HMX1: variants seen among roughly 807,000 people sequenced by gnomAD.
HMX1 encodes homeobox protein HMX1.
Under a neutral mutation model 8.9 loss-of-function variants are expected in HMX1, and 8 were observed. The ratio of observed to expected loss-of-function variants is 0.90; its 90% confidence interval spans 0.53 to 1.63. The LOEUF (loss-of-function observed/expected upper bound fraction) is 1.63, where lower values mean the gene tolerates loss of function less well. Ranked by LOEUF, HMX1 falls within the 40% of genes most tolerant of loss-of-function variation. The pLI is 0.00. For missense variants in HMX1, 621 were observed against 558.5 expected (o/e 1.11, Z -1.13); for synonymous variants, 311 against 283.4 (o/e 1.10, Z -0.98).
At chr4:8,850,253 T>C (rs2109453195) in intron 1 of HMX1, among the ~76,000 whole-genome samples, 1 of 152,224 alleles carries the variant, frequency 6.6e-6, no homozygotes, top group South Asian at 2.1e-4. Context: ...AGAGCCGACC[T>C]CTGCCCGTGC....
At position 8,868,257 on chromosome 4, in the gene HMX1, C is replaced by T. The variant is rs1414912543; in HGVS notation, c.483G>A (p.Gln161=). Residue 161 remains glutamine (Q), a synonymous_variant, in exon 2 of 2, where the codon CAG becomes CAA. Transcript: ENST00000400677. The surrounding 1 kb of genome is among the most constrained non-coding windows in gnomAD (Gnocchi z 4.6). ...GCGCCGCCAGCTCCGCTGCCTCCCGCTGCACCGCTCCCGGCCCGGGGCCTC... is the reference window on the plus strand; with the variant it reads ...GCGCCGCCAGCTCCGCTGCCTCCCGTTGCACCGCTCCCGGCCCGGGGCCTC... ...WPRGPGPGAV[Q]REAAELAARG... is the part of the protein sequence containing the mutation. The T allele has an allele frequency of 2.8e-6, 4 of 1,445,962 alleles. No homozygotes were observed. Among genetic ancestry groups the T allele is most frequent in the Non-Finnish European group, 3.6e-6 (4 of 1,106,636 alleles). The allele number at this position is 1,445,962 out of a possible 1,614,324, so 89.6% of individuals were successfully genotyped here. A position where few individuals can be genotyped will look rare whatever the true frequency, so the allele number is the denominator to read the frequency against.
In HMX1 at chr4:8,868,357, A is replaced by G; in HGVS notation, c.395-12T>C. On this transcript the variant is annotated splice_polypyrimidine_tract_variant and intron_variant, in intron 1 of 1. Transcript: ENST00000400677. This position sits in a 1 kb window ranked among gnomAD's most constrained non-coding sequence, Gnocchi z 4.6. Reference sequence around the variant, plus strand: ...GTCCCGGTCGCTGGCTGCAGGGGAGAGAGGGCACCACCGTTGGTTCTAGGG... The same window carrying G: ...GTCCCGGTCGCTGGCTGCAGGGGAGGGAGGGCACCACCGTTGGTTCTAGGG... 7.4e-7 allele frequency: 1 copy of G among 1,360,024 alleles called. No individual in the cohort carries two copies. Among genetic ancestry groups the G allele is most frequent in the South Asian group, 1.8e-5 (1 of 55,086 alleles). The allele number at this position is 1,360,024 out of a possible 1,614,324, so 84.2% of individuals were successfully genotyped here.
intron 1 of HMX1, among the ~76,000 whole-genome samples, chr4:8,859,612 G>T: frequency 6.6e-6 from 1 of 152,118 alleles, no homozygotes. Flanking sequence ...CCAGACCAGG[G>T]GTGAGCTGGG....
chr4:8,854,224 G>T (rs1275237664), intron 1 of HMX1, among the ~76,000 whole-genome samples: 3 of 152,228 alleles, frequency 2.0e-5, no homozygotes, highest in Non-Finnish European at 4.4e-5. Flanking sequence ...GTGCTCAGGG[G>T]CTGTCGGCCA....
chr4:8,860,714 A>C (rs1400564472), intron 1 of HMX1: 1 of 152,290 alleles, frequency 6.6e-6, no homozygotes, highest in East Asian at 1.9e-4. Flanking sequence ...CAGAAGCCTA[A>C]GGAGGCCCGG....
Position 8,871,673 on chromosome 4 carries a change from C to A in HMX1, c.-59G>T, listed in dbSNP as rs1293101534. 1 of 1,153,578 alleles carries A rather than the reference C, an allele frequency of 8.7e-7. No homozygotes were observed. Among genetic ancestry groups the A allele is most frequent in the Non-Finnish European group, 1.1e-6 (1 of 938,408 alleles). The allele number at this position is 1,153,578 out of a possible 1,614,324, so 71.5% of individuals were successfully genotyped here. A position where few individuals can be genotyped will look rare whatever the true frequency, so the allele number is the denominator to read the frequency against. ...CCTCGGTCCCCGCTGGGGATGGTGGCGCGCGGCTCCCGGGCGCACGCGCGG... is the reference window on the plus strand; with the variant it reads ...CCTCGGTCCCCGCTGGGGATGGTGGAGCGCGGCTCCCGGGCGCACGCGCGG... On this transcript the variant is annotated 5_prime_UTR_variant, in exon 1 of 2. Coordinates refer to ENST00000400677, the MANE Select transcript of HMX1 (RefSeq NM_018942.3). The surrounding 1 kb of genome is among the most constrained non-coding windows in gnomAD (Gnocchi z 4.8).
At position 8,867,206 on chromosome 4, in the gene HMX1, C is replaced by T. The variant is rs2109471667; in HGVS notation, c.*487G>A. ...CCAGGGTCCTTTCTCCACCAGCACC[C>T]GCGAGAGGGGTAGCACAGCCCTCCG... On this transcript the variant is annotated 3_prime_UTR_variant, in exon 2 of 2. Transcript: ENST00000400677. The T allele has an allele frequency of 1.4e-5, 14 of 985,768 alleles. No homozygotes were observed. Among genetic ancestry groups the T allele is most frequent in the Non-Finnish European group, 1.7e-5 (14 of 830,130 alleles). The allele number at this position is 985,768 out of a possible 1,614,324, so 61.1% of individuals were successfully genotyped here.
At position 8,870,847 on chromosome 4, in the gene HMX1, A is replaced by T. The variant is rs1481195797; in HGVS notation, c.394+374T>A. Reference sequence around the variant, plus strand: ...CCGCAGCACATTCCTTTCTTCCTCCATCCTCCCATTTTCTTTCTCAGCCTC... The same window carrying T: ...CCGCAGCACATTCCTTTCTTCCTCCTTCCTCCCATTTTCTTTCTCAGCCTC... On this transcript the variant is annotated intron_variant, in intron 1 of 1. Coordinates refer to ENST00000400677, the MANE Select transcript of HMX1 (RefSeq NM_018942.3). The surrounding 1 kb of genome is among the most constrained non-coding windows in gnomAD (Gnocchi z 4.4). Among the ~76,000 whole-genome samples the T allele has an allele frequency of 8.9e-6, 1 of 112,066 alleles. No homozygotes were observed. Among genetic ancestry groups the T allele is most frequent in the East Asian group, 3.2e-4 (1 of 3,162 alleles). The allele number at this position is 112,066 out of a possible 152,430, so 73.5% of individuals were successfully genotyped here.
rs139141246 is a variant in HMX1, at chr4:8,853,470, G to A, written c.395-7146C>T. On this transcript the variant is annotated intron_variant, in intron 1 of 1. Transcript: ENST00000506970. This position sits in a 1 kb window ranked among gnomAD's most constrained non-coding sequence, Gnocchi z 4.7. Reference sequence around the variant, plus strand: ...CTGGTCAGAACCACATCATGTGACCGGGCTGAGCTGCAAGGGAGGCTGGGA... The same window carrying A: ...CTGGTCAGAACCACATCATGTGACCAGGCTGAGCTGCAAGGGAGGCTGGGA... Among the ~76,000 whole-genome samples, 1,858 of 152,268 alleles carry A rather than the reference G, an allele frequency of 0.012. 21 individuals carry two copies. The highest frequency in any genetic ancestry group is 0.018 in the Non-Finnish European group (1,255 of 68,024).
chr4:8,870,135 T>C lies in HMX1; in HGVS notation c.394+1086A>G, dbSNP rs561476375. ...ACTTACTCCCCAGCACACACTAATA[T>C]TCATACAGAGGACAGCATGGATCCC... is the stretch of plus-strand genomic sequence containing the variant. On this transcript the variant is annotated intron_variant, in intron 1 of 1. Coordinates refer to ENST00000400677, the MANE Select transcript of HMX1 (RefSeq NM_018942.3). The surrounding 1 kb of genome is among the most constrained non-coding windows in gnomAD (Gnocchi z 4.4). Among the ~76,000 whole-genome samples the C allele has an allele frequency of 6.6e-5, 10 of 151,950 alleles. No individual in the cohort carries two copies. Among genetic ancestry groups the C allele is most frequent in the African/African-American group, 2.2e-4 (9 of 41,348 alleles).
At chr4:8,859,806 G>C (rs1481672400) in intron 1 of HMX1, among the ~76,000 whole-genome samples, 2 of 152,266 alleles carry the variant, frequency 1.3e-5, no homozygotes, top group African/African-American at 4.8e-5. Flanking sequence ...GCAAAGGGCT[G>C]ATCAGCTCCC....
intron 1 of HMX1, chr4:8,860,691 C>T (rs1431172690): frequency 6.6e-6 from 1 of 152,332 alleles, no homozygotes; most frequent in Non-Finnish European, 1.5e-5. Flanking sequence ...TTCGGGTTAA[C>T]ACCGCTTCCT....
At chr4:8,857,024 C>T (rs1211260392) in intron 1 of HMX1, among the ~76,000 whole-genome samples, 2 of 152,162 alleles carry the variant, frequency 1.3e-5, no homozygotes, top group African/African-American at 2.4e-5. Context: ...ATGGAGGCTG[C>T]AGTGAGCCCT....
At chr4:8,860,889 C>G (rs1408448347) in intron 1 of HMX1, 1 of 151,552 alleles carries the variant, frequency 6.6e-6, no homozygotes, top group South Asian at 2.1e-4. Flanking sequence ...GAGGTGAGAA[C>G]TGAGGGGCGA....
intron 1 of HMX1, among the ~76,000 whole-genome samples, chr4:8,869,565 C>G (rs956934754): frequency 3.3e-5 from 5 of 152,238 alleles, no homozygotes; most frequent in Non-Finnish European, 5.9e-5. Flanking sequence ...GTGCGTGGTT[C>G]CAGCTCTGTG....
downstream of HMX1, among the ~76,000 whole-genome samples, chr4:8,863,918 C>T (rs1033850354): frequency 1.3e-5 from 2 of 152,262 alleles, no homozygotes; most frequent in Non-Finnish European, 2.9e-5. Flanking sequence ...GCACATCCTC[C>T]ACGCCCAAAC....
At chr4:8,852,832 G>C (rs1477652630) in intron 1 of HMX1, among the ~76,000 whole-genome samples, 1 of 152,214 alleles carries the variant, frequency 6.6e-6, no homozygotes. Context: ...AGAAATCAGT[G>C]AAAGAGGCTT....
rs1417992316 is a variant in HMX1 at position 8,867,890 on chromosome 4, C to T, written c.850G>A (p.Val284Met). The T allele has an allele frequency of 7.4e-7, 1 of 1,360,168 alleles. No homozygotes were observed. 84.3% of individuals were successfully genotyped at this position (1,360,168 alleles called of 1,614,324 possible). ...GCCGGGGGGCTTTCGTGGTAGAGCA[C>T]CGGCACGCGGACCAGGCGCTGCGCT... ...PGAQRLVRVP[V>M]LYHESPPAAA... The change falls in exon 2 of 2, where the codon GTG (valine) becomes ATG (methionine). Residue 284 changes from valine to methionine, a missense_variant. By Grantham distance (21) the Val-to-Met change is conservative (BLOSUM62 1). Transcript: ENST00000400677.
At chr4:8,861,758 C>T (rs955017212) in intron 1 of HMX1, among the ~76,000 whole-genome samples, 2 of 152,254 alleles carry the variant, frequency 1.3e-5, no homozygotes, top group East Asian at 1.9e-4. Flanking sequence ...TGTCTGGACC[C>T]TCAGAGCCCC....
Sources: allele counts gnomAD v4.1 joint callset (sites outside exome capture counted in the v4.1 genomes callset), GRCh38; gene constraint gnomAD v4.1.1; non-coding constraint Gnocchi (gnomAD v3.1); transcripts MANE v1.5; gene names NCBI Gene and HGNC (gene_info 2026-07-23, HGNC 2026-07-21).